The following PIK3C2G variants were observed in gnomAD, a reference collection of about 807,000 sequenced individuals.
PIK3C2G encodes phosphatidylinositol 3-kinase C2 domain-containing subunit gamma.
PIK3C2G carries 168 observed loss-of-function variants against 181.1 expected under a neutral mutation model. The observed-to-expected ratio is 0.93, with a 90% confidence interval of 0.82 to 1.05. The LOEUF (loss-of-function observed/expected upper bound fraction) is 1.05. Among genes scored for constraint, PIK3C2G ranks in the 50% least tolerant of loss-of-function variants. PIK3C2G has a pLI of 0.00. For missense variants in PIK3C2G, 1,869 were observed against 1,732.8 expected (o/e 1.08, Z -1.40); for synonymous variants, 573 against 592.2 (o/e 0.97, Z 0.47).
chr12:18,543,739 A>C (rs1425304155), intron 25 of PIK3C2G, among the ~76,000 whole-genome samples: 1 of 151,904 alleles, frequency 6.6e-6, no homozygotes, highest in Non-Finnish European at 1.5e-5. Flanking sequence ...ATTTTGTTCC[A>C]TTGGCCTGTG....
chr12:18,257,798 G>T (rs751749970), upstream of PIK3C2G, among the ~76,000 whole-genome samples: 2 of 140,424 alleles, frequency 1.4e-5, no homozygotes, highest in African/African-American at 2.6e-5. Context: ...GAGAAAGAAA[G>T]AAAAGAAAGA....
chr12:18,271,134 G>T (rs1948730098), intron 1 of PIK3C2G, among the ~76,000 whole-genome samples: 1 of 151,962 alleles, frequency 6.6e-6, no homozygotes, highest in South Asian at 2.1e-4. Context: ...CTTCTATATG[G>T]CTGTTGACTA....
intron 24 of PIK3C2G, among the ~76,000 whole-genome samples, chr12:18,513,081 T>C (rs1942316207): frequency 6.6e-6 from 1 of 151,880 alleles, no homozygotes; most frequent in Non-Finnish European, 1.5e-5. Flanking sequence ...ATTTTGTAAA[T>C]TTAGTGTATC....
intron 1 of PIK3C2G, among the ~76,000 whole-genome samples, chr12:18,279,479 T>TA (rs939800173): frequency 2.6e-5 from 4 of 151,872 alleles, no homozygotes; most frequent in African/African-American, 9.7e-5. Flanking sequence ...TCCATAAAAT[T>TA]AAAAAAACTC....
At chr12:18,476,335 T>G (rs1938989943) in intron 18 of PIK3C2G, among the ~76,000 whole-genome samples, 1 of 152,048 alleles carries the variant, frequency 6.6e-6, no homozygotes, top group Non-Finnish European at 1.5e-5. Flanking sequence ...GTACTTTATG[T>G]TTGGGGTGGA....
At chr12:18,473,041 G>A (rs1340468253) in intron 18 of PIK3C2G, among the ~76,000 whole-genome samples, 1 of 152,036 alleles carries the variant, frequency 6.6e-6, no homozygotes, top group East Asian at 1.9e-4. Context: ...CAAATCACAA[G>A]GTTCATTAGA....
intron 18 of PIK3C2G, among the ~76,000 whole-genome samples, chr12:18,474,797 T>G (rs1005190412): frequency 9.9e-5 from 15 of 152,154 alleles, no homozygotes; most frequent in African/African-American, 3.6e-4. Flanking sequence ...ATAATTCAAA[T>G]AAATGATTTT....
intron 31 of PIK3C2G, among the ~76,000 whole-genome samples, chr12:18,636,985 C>A (rs1949631943): frequency 1.3e-5 from 2 of 152,068 alleles, no homozygotes; most frequent in Non-Finnish European, 2.9e-5. Flanking sequence ...AAGAAGTAAC[C>A]ATAGGATGGT....
chr12:18,705,095 A>G, the PIK3C2G span: 1 of 1,559,746 alleles, frequency 6.4e-7, no homozygotes, highest in African/African-American at 1.4e-5. Flanking sequence ...CCAGTTTCAC[A>G]GGCCAATATA....
At chr12:18,257,964 A>C (rs1469259501), upstream of PIK3C2G, among the ~76,000 whole-genome samples, 1 of 151,928 alleles carries the variant, frequency 6.6e-6, no homozygotes, top group African/African-American at 2.4e-5. Context: ...GGTAGAACCA[A>C]CTCTCATCCT....
intron 17 of PIK3C2G, among the ~76,000 whole-genome samples, chr12:18,423,144 AGAGT>A (rs1303081043): frequency 2.0e-5 from 3 of 151,042 alleles, no homozygotes; most frequent in Admixed American, 6.6e-5. Context: ...AGAGAGAGAG[AGAGT>A]GTGTGTGTGT....
the PIK3C2G span, chr12:18,723,550 A>G: frequency 6.2e-7 from 1 of 1,601,252 alleles, no homozygotes; most frequent in Non-Finnish European, 8.5e-7. Context: ...GTCCTACTAA[A>G]AAAATGACTG....
At chr12:18,582,461 C>T (rs375455659) in intron 29 of PIK3C2G, among the ~76,000 whole-genome samples, 10 of 152,236 alleles carry the variant, frequency 6.6e-5, no homozygotes, top group East Asian at 3.9e-4. Flanking sequence ...CTTGGCGGAG[C>T]GGCCACTAAG....
chr12:18,360,339 C>T (rs1941125283), intron 11 of PIK3C2G, among the ~76,000 whole-genome samples: 1 of 152,104 alleles, frequency 6.6e-6, no homozygotes, highest in Non-Finnish European at 1.5e-5. Flanking sequence ...TATTACATAT[C>T]AATTTATTGT....
At chr12:18,424,206 G>T (rs548391606) in intron 18 of PIK3C2G, among the ~76,000 whole-genome samples, 167 bp downstream of exon 18, 1 of 152,100 alleles carries the variant, frequency 6.6e-6, no homozygotes, top group African/African-American at 2.4e-5. Flanking sequence ...AGGATAATGT[G>T]TCATCATTTT....
At chr12:18,284,215 A>G (rs1949344966) in intron 2 of PIK3C2G, among the ~76,000 whole-genome samples, 3 of 152,168 alleles carry the variant, frequency 2.0e-5, no homozygotes, top group South Asian at 2.1e-4. Context: ...TACAACGCAG[A>G]AATTTGGGCC....
intron 12 of PIK3C2G, among the ~76,000 whole-genome samples, chr12:18,363,933 G>T (rs1941455301): frequency 6.6e-6 from 1 of 152,004 alleles, no homozygotes; most frequent in Non-Finnish European, 1.5e-5. Flanking sequence ...TTTGGGTAAG[G>T]TTCTTTATTC....
intron 17 of PIK3C2G, among the ~76,000 whole-genome samples, chr12:18,422,274 A>C (rs144001103): frequency 6.6e-6 from 1 of 152,098 alleles, no homozygotes; most frequent in East Asian, 1.9e-4. Flanking sequence ...GAAAGTTATA[A>C]AATGTCCTGA....
chr12:18,419,061 G>A (rs540880788), intron 16 of PIK3C2G, among the ~76,000 whole-genome samples: 4 of 152,266 alleles, frequency 2.6e-5, no homozygotes, highest in South Asian at 2.1e-4. Flanking sequence ...TACGTGTAAC[G>A]ACAATGAGTT....
Sources: gnomAD v4.1 joint callset for allele counts (sites outside exome capture counted in the v4.1 genomes callset) on GRCh38, gnomAD v4.1.1 for gene constraint, MANE v1.5 for transcripts, NCBI Gene and HGNC (gene_info 2026-07-23, HGNC 2026-07-21) for gene names.